The following CSNK2A2IP variants were observed in gnomAD, a reference collection of about 807,000 sequenced individuals.
CSNK2A2IP encodes casein kinase 2 subunit alpha' interacting protein.
chr3:88,446,461 C>T, the CSNK2A2IP span, among the ~76,000 whole-genome samples: 1 of 152,256 alleles, frequency 6.6e-6, no homozygotes, highest in Admixed American at 6.5e-5. Flanking sequence ...TTTTCTGTAA[C>T]TGTATAGGAG....
At chr3:88,389,793 G>T in the CSNK2A2IP span, among the ~76,000 whole-genome samples, 6 of 151,530 alleles carry the variant, frequency 4.0e-5, no homozygotes, top group Non-Finnish European at 8.8e-5. Context: ...TGGAGTGCAT[G>T]GTGGTGGAAG....
chr3:88,447,658 A>G, the CSNK2A2IP span, among the ~76,000 whole-genome samples: 1 of 152,114 alleles, frequency 6.6e-6, no homozygotes, highest in East Asian at 1.9e-4. Context: ...TTGTATTTGT[A>G]TAAAAATGCA....
chr3:88,349,720 C>T, the CSNK2A2IP span, among the ~76,000 whole-genome samples: 1 of 152,130 alleles, frequency 6.6e-6, no homozygotes, highest in African/African-American at 2.4e-5. Flanking sequence ...TACTGTTTTC[C>T]ATACTGGTTT....
At chr3:88,451,353 T>C in the CSNK2A2IP span, among the ~76,000 whole-genome samples, 2 of 152,064 alleles carry the variant, frequency 1.3e-5, no homozygotes, top group African/African-American at 4.8e-5. Context: ...TGCCTTTTAA[T>C]ATACCTATTG....
the CSNK2A2IP span, among the ~76,000 whole-genome samples, chr3:88,425,000 C>A: frequency 7.2e-5 from 11 of 152,084 alleles, no homozygotes; most frequent in South Asian, 2.1e-3. Flanking sequence ...TGGAATAAAT[C>A]TAGAATTACA....
At chr3:88,455,230 C>A in the CSNK2A2IP span, among the ~76,000 whole-genome samples, 1 of 151,784 alleles carries the variant, frequency 6.6e-6, no homozygotes, top group African/African-American at 2.4e-5. Flanking sequence ...TTGGTATATA[C>A]CTAGAAGTGG....
At chr3:88,360,484 T>A in the CSNK2A2IP span, among the ~76,000 whole-genome samples, 1,516 of 151,614 alleles carry the variant, frequency 1.0e-2, 22 homozygotes, top group African/African-American at 0.035. Flanking sequence ...TAGTTACTTA[T>A]GCTCTTTTTT....
At chr3:88,410,304 G>T in the CSNK2A2IP span, among the ~76,000 whole-genome samples, 2 of 151,988 alleles carry the variant, frequency 1.3e-5, no homozygotes, top group Admixed American at 6.6e-5. Context: ...TTTTTATAGA[G>T]TGATTTATTT....
chr3:88,449,418 T>C, the CSNK2A2IP span, among the ~76,000 whole-genome samples: 2 of 152,272 alleles, frequency 1.3e-5, no homozygotes, highest in East Asian at 1.9e-4. Flanking sequence ...ACAAGACCAG[T>C]TGTTGTCAAC....
the CSNK2A2IP span, among the ~76,000 whole-genome samples, chr3:88,436,597 A>G: frequency 6.6e-6 from 1 of 152,142 alleles, no homozygotes. Flanking sequence ...GACTTTTAAA[A>G]GGAAAGAAAT....
chr3:88,410,407 T>C, the CSNK2A2IP span, among the ~76,000 whole-genome samples: 6 of 152,146 alleles, frequency 3.9e-5, no homozygotes, highest in African/African-American at 1.4e-4. Context: ...TTTATAAAGA[T>C]CTCTGAAACT....
the CSNK2A2IP span, among the ~76,000 whole-genome samples, chr3:88,357,999 C>A: frequency 6.6e-6 from 1 of 152,064 alleles, no homozygotes; most frequent in Non-Finnish European, 1.5e-5. Context: ...AATGCTTGAG[C>A]CACTGCTCCC....
At chr3:88,454,572 T>C in the CSNK2A2IP span, among the ~76,000 whole-genome samples, 56,698 of 151,652 alleles carry the variant, frequency 0.37, 11,118 homozygotes, top group East Asian at 0.69. Flanking sequence ...TCCATGATCT[T>C]ATTATGAATT....
At chr3:88,364,829 G>A in the CSNK2A2IP span, among the ~76,000 whole-genome samples, 1 of 152,120 alleles carries the variant, frequency 6.6e-6, no homozygotes, top group Non-Finnish European at 1.5e-5. Context: ...ACTGGATATG[G>A]AAGAAATTAT....
At chr3:88,465,338 G>T in the CSNK2A2IP span, 1 of 1,228,738 alleles carries the variant, frequency 8.1e-7, no homozygotes. Context: ...CTTTTAAAAA[G>T]ACCTCTACTA....
At chr3:88,409,283 C>T in the CSNK2A2IP span, among the ~76,000 whole-genome samples, 1 of 152,040 alleles carries the variant, frequency 6.6e-6, no homozygotes, top group Admixed American at 6.6e-5. Flanking sequence ...TTCCCTACTT[C>T]TGTTCTGTCC....
the CSNK2A2IP span, among the ~76,000 whole-genome samples, chr3:88,402,557 A>G: frequency 6.6e-6 from 1 of 152,118 alleles, no homozygotes; most frequent in Non-Finnish European, 1.5e-5. Flanking sequence ...AGCAGTCACA[A>G]TGAATAAAGA....
At chr3:88,395,674 T>C in the CSNK2A2IP span, among the ~76,000 whole-genome samples, 1 of 152,220 alleles carries the variant, frequency 6.6e-6, no homozygotes, top group African/African-American at 2.4e-5. Context: ...GGGATTGAAC[T>C]GAAACTGCAG....
chr3:88,427,747 G>A, the CSNK2A2IP span, among the ~76,000 whole-genome samples: 15 of 152,248 alleles, frequency 9.9e-5, no homozygotes, highest in East Asian at 5.8e-4. Context: ...GGGAACCTCC[G>A]CCTAGATTTC....
Sources: gnomAD v4.1 joint callset for allele counts (sites outside exome capture counted in the v4.1 genomes callset) on GRCh38, gnomAD v4.1.1 for gene constraint, MANE v1.5 for transcripts, NCBI Gene and HGNC (gene_info 2026-07-23, HGNC 2026-07-21) for gene names.